Variants in NOLC1 observed in about 807,000 individuals in gnomAD.
The protein encoded by NOLC1 is 140 kDa nucleolar phosphoprotein.
NOLC1 carries 37 observed loss-of-function variants against 73.4 expected under a neutral mutation model. The ratio of observed to expected loss-of-function variants is 0.50; its 90% CI spans 0.39 to 0.66. The LOEUF is 0.66. Among genes scored for constraint, NOLC1 ranks in the 30% least tolerant of loss-of-function variants. The pLI is 0.00. For missense variants in NOLC1, 921 were observed against 838.9 expected, an observed-to-expected ratio of 1.10 and a Z score of -1.21; for synonymous variants, 327 against 302.6, an observed-to-expected ratio of 1.08 and a Z score of -0.84.
intron 7 of NOLC1, 28 bp from the exon 8 acceptor site, chr10:102,159,868 A>G (rs1372870036): frequency 6.6e-7 from 1 of 1,506,648 alleles, no homozygotes. Flanking sequence ...ACATATCCTA[A>G]AACCATCACA....
intron 1 of NOLC1, among the ~76,000 whole-genome samples, chr10:102,154,376 C>T (rs1389586430): frequency 6.6e-6 from 1 of 151,994 alleles, no homozygotes; most frequent in African/African-American, 2.4e-5. Flanking sequence ...AGCCACCGCA[C>T]CCGGCCAACA....
chr10:102,154,105 T>G (rs1287672745), intron 1 of NOLC1, among the ~76,000 whole-genome samples: 1 of 148,184 alleles, frequency 6.7e-6, no homozygotes, highest in African/African-American at 2.5e-5. Flanking sequence ...GGAGTCTGGC[T>G]CTGTCGCCCA....
Position 102,157,069 on chromosome 10 carries a change from G to T in NOLC1, c.171G>T (p.Trp57Cys). 1.2e-6 allele frequency: 2 copies of T among 1,614,112 alleles called. No individual in the cohort carries two copies. The highest frequency in any genetic ancestry group is 1.7e-6 in the Non-Finnish European group (2 of 1,180,024). Residue 57 changes from tryptophan (W) to cysteine (C), a missense_variant, in exon 2 of 13, where the codon TGG becomes TGT. Trp to Cys is a radical substitution (Grantham distance 215). Transcript: ENST00000605788. ...ASSLLDIYSF[W>C]LKSAKVPERK... Reference sequence around the variant, plus strand: ...CCCTCTTAGACATCTATAGCTTCTGGCTCAAGTAAGCCTTTCCTGTTCCAT... The same window carrying T: ...CCCTCTTAGACATCTATAGCTTCTGTCTCAAGTAAGCCTTTCCTGTTCCAT...
chr10:102,160,392 G>A, intron 9 of NOLC1, 49 bp downstream of exon 9: 2 of 1,613,030 alleles, frequency 1.2e-6, no homozygotes, highest in Non-Finnish European at 1.7e-6. Flanking sequence ...TCAGGCAGCT[G>A]CTAAGGGCTC....
rs1316281608 is a variant in NOLC1 at position 102,157,259 on chromosome 10, TCATC to T, written c.250_253del (p.Ser84ValfsTer103). On this transcript the variant is annotated frameshift_variant, in exon 3 of 13. Transcript: ENST00000605788. LOFTEE classifies it high-confidence loss of function. ...GGCTAAGAAAGCTAAGAAGAAGGCC[TCATC>T]CAGTGACAGTGAGGACAGCAGCGAG... 6.2e-7 allele frequency: 1 copy of T among 1,614,144 alleles called. No homozygotes were observed. Among genetic ancestry groups the T allele is most frequent in the Admixed American group, 1.7e-5 (1 of 60,016 alleles).
At chr10:102,155,174 C>A (rs930641643) in intron 1 of NOLC1, among the ~76,000 whole-genome samples, 8 of 151,642 alleles carry the variant, frequency 5.3e-5, no homozygotes, top group Admixed American at 1.3e-4. Flanking sequence ...TACAGGCATG[C>A]GCCACCACGC....
In NOLC1 at chr10:102,157,207, G is replaced by A. The variant is rs745747551; in HGVS notation, c.195G>A (p.Glu65=). The A allele has an allele frequency of 6.2e-7, 1 of 1,614,194 alleles. No individual in the cohort carries two copies. Among genetic ancestry groups the A allele is most frequent in the East Asian group, 2.2e-5 (1 of 44,888 alleles). The change falls in exon 3 of 13, where the codon GAG becomes GAA. Residue 65 remains glutamate, a synonymous_variant. Transcript: ENST00000605788. The stretch of plus-strand genomic sequence containing the variant: ...TCAGCAGGTCTGCCAAGGTCCCAGA[G>A]CGAAAGTTACAGGCAAATGGACCAG... The part of the protein sequence containing the change: ...SFWLKSAKVP[E]RKLQANGPVA...
At position 102,159,284 on chromosome 10, in the gene NOLC1, G is replaced by A; in HGVS notation, c.699G>A (p.Glu233=). ...SSSSSDDSEE[E]KAAATPKKTV... ...GTAGCAGTGATGACTCAGAGGAGGA[G>A]AAGGCAGCAGCCACCCCCAAGAAGG... The change falls in exon 6 of 13, where the codon GAG becomes GAA. Residue 233 remains glutamate, a synonymous_variant. Coordinates refer to ENST00000605788, the MANE Select transcript of NOLC1 (RefSeq NM_004741.5). The A allele has an allele frequency of 2.5e-6, 4 of 1,614,138 alleles. No homozygotes were observed. The highest frequency in any genetic ancestry group is 1.7e-5 in the Admixed American group (1 of 60,002).
chr10:102,161,578 GAATGAGGCTGCC>G lies in NOLC1; in HGVS notation c.1767_1778del (p.Asn589_Ala592del). 2.5e-6 allele frequency: 4 copies of G among 1,614,026 alleles called. No individual in the cohort carries two copies. The highest frequency in any genetic ancestry group is 1.3e-5 in the African/African-American group (1 of 75,034). ...TAGGTTCATTAAAGAAGCGGAAGCA[GAATGAGGCTGCC>G]AAGGAGGCAGAGACTCCTCAGGCCA... On this transcript the variant is annotated inframe_deletion, in exon 11 of 13. Coordinates refer to ENST00000605788, the MANE Select transcript of NOLC1 (RefSeq NM_004741.5).
In NOLC1 at chr10:102,163,292, G is replaced by C. The variant is rs746410665; in HGVS notation, c.*1023G>C. Reference sequence around the variant, plus strand: ...TAAAACCTCAATCCTCAGTAGGAAGGTAGATTACATTAGGTGAAATTATAG... The same window carrying C: ...TAAAACCTCAATCCTCAGTAGGAAGCTAGATTACATTAGGTGAAATTATAG... On this transcript the variant is annotated 3_prime_UTR_variant, in exon 13 of 13. Transcript: ENST00000605788. The C allele has an allele frequency of 1.3e-5, 2 of 152,184 alleles. No homozygotes were observed. Among genetic ancestry groups the C allele is most frequent in the Non-Finnish European group, 2.9e-5 (2 of 68,026 alleles). The allele number at this position is 152,184 out of a possible 1,614,324, so 9.4% of individuals were successfully genotyped here.
rs202023394 is a variant in NOLC1, at chr10:102,161,105, A to T, written c.1741+12A>T. 2.5e-6 allele frequency: 4 copies of T among 1,589,264 alleles called. No individual in the cohort carries two copies. The highest frequency in any genetic ancestry group is 1.1e-5 in the South Asian group (1 of 88,538). ...AGTTTCCAAATCAGGTCTGTACCCA[A>T]TGAACATGCCCTCTGGGTTTTGTCC... On this transcript the variant is annotated intron_variant, in intron 10 of 12. Coordinates refer to ENST00000605788, the MANE Select transcript of NOLC1 (RefSeq NM_004741.5).
intron 1 of NOLC1, among the ~76,000 whole-genome samples, chr10:102,154,351 G>A (rs2069555586): frequency 6.6e-6 from 1 of 151,382 alleles, no homozygotes; most frequent in African/African-American, 2.4e-5. Context: ...CCAAAGTGCT[G>A]GGATTACAGG....
intron 1 of NOLC1, among the ~76,000 whole-genome samples, chr10:102,154,688 C>G (rs917579538): frequency 3.9e-5 from 6 of 152,012 alleles, no homozygotes; most frequent in Non-Finnish European, 8.8e-5. Context: ...GCCTCCACGC[C>G]CAGCTTATGT....
At position 102,160,321 on chromosome 10, in the gene NOLC1, A is replaced by G. The variant is rs1319504056; in HGVS notation, c.1077A>G (p.Ala359=). 6.2e-7 allele frequency: 1 copy of G among 1,614,236 alleles called. No individual in the cohort carries two copies. Among genetic ancestry groups the G allele is most frequent in the Admixed American group, 1.7e-5 (1 of 60,030 alleles). ...TTKPPPAKKA[A]ESSSDSSDSD... ...AACCACCTCCAGCAAAGAAAGCAGC[A>G]GAGAGCTCTTCAGACAGCTCAGGTA... Residue 359 remains alanine (A), a synonymous_variant, in exon 9 of 13, where the codon GCA becomes GCG. Coordinates refer to ENST00000605788, the MANE Select transcript of NOLC1 (RefSeq NM_004741.5).
At position 102,157,536 on chromosome 10, in the gene NOLC1, A is replaced by T. The variant is rs1427349126; in HGVS notation, c.422A>T (p.Gln141Leu). ...AGTGATGATGATGATGAGGAGGACCAAAAGAAACAGCCTGTCCAGGTTTGC... is the reference window on the plus strand; with the variant it reads ...AGTGATGATGATGATGAGGAGGACCTAAAGAAACAGCCTGTCCAGGTTTGC... ...ESSDDDDEED[Q>L]KKQPVQKGVK... Residue 141 changes from glutamine to leucine, a missense_variant, in exon 4 of 13, where the codon CAA becomes CTA. Physicochemically the swap from Gln to Leu is moderately radical, Grantham distance 113. Coordinates refer to ENST00000605788, the MANE Select transcript of NOLC1 (RefSeq NM_004741.5). 1 of 1,614,116 alleles carries T rather than the reference A, an allele frequency of 6.2e-7. No individual in the cohort carries two copies. Among genetic ancestry groups the T allele is most frequent in the South Asian group, 1.1e-5 (1 of 91,064 alleles).
intron 1 of NOLC1, among the ~76,000 whole-genome samples, chr10:102,155,912 A>G (rs976598085): frequency 7.9e-5 from 12 of 151,756 alleles, no homozygotes; most frequent in Admixed American, 7.2e-4. Flanking sequence ...GCTGGAGTGC[A>G]GTGGCGCGAT....
chr10:102,154,125 G>T (rs1357078232), intron 1 of NOLC1, among the ~76,000 whole-genome samples: 1 of 147,356 alleles, frequency 6.8e-6, no homozygotes, highest in African/African-American at 2.5e-5. Context: ...AGGCTGGAGT[G>T]CAGTGGCACG....
intron 1 of NOLC1, among the ~76,000 whole-genome samples, chr10:102,156,552 T>G (rs528241235): frequency 3.3e-5 from 5 of 152,150 alleles, no homozygotes; most frequent in African/African-American, 9.6e-5. Flanking sequence ...ATTCTCCTGC[T>G]TCAGCCTCCC....
At chr10:102,155,631 C>T (rs1483576489) in intron 1 of NOLC1, among the ~76,000 whole-genome samples, 1 of 151,818 alleles carries the variant, frequency 6.6e-6, no homozygotes, top group Admixed American at 6.6e-5. Flanking sequence ...GCCTCAGCCT[C>T]CTGAGTAGCT....
Sources: allele counts gnomAD v4.1 joint callset (sites outside exome capture counted in the v4.1 genomes callset), GRCh38; gene constraint gnomAD v4.1.1; transcripts MANE v1.5; gene names NCBI Gene and HGNC (gene_info 2026-07-23, HGNC 2026-07-21).